MYO18B: variants seen among roughly 807,000 people sequenced by gnomAD.
MYO18B encodes myosin XVIIIB.
A neutral mutation model predicts 273.0 loss-of-function variants in MYO18B; 204 were observed. The ratio of observed to expected loss-of-function variants is 0.75; its 90% confidence interval spans 0.67 to 0.84. The LOEUF (loss-of-function observed/expected upper bound fraction) is 0.84, where lower values mean the gene tolerates loss of function less well. Among genes scored for constraint, MYO18B ranks in the 40% least tolerant of loss-of-function variants. The pLI is 0.00. For missense variants in MYO18B, 3,212 were observed against 3,287.6 expected (o/e 0.98, Z 0.56); for synonymous variants, 1,330 against 1,305.7 (o/e 1.02, Z -0.40).
chr22:26,051,057 C>T, the MYO18B span, among the ~76,000 whole-genome samples: 3 of 152,046 alleles, frequency 2.0e-5, no homozygotes, highest in African/African-American at 7.2e-5. Context: ...AGGAACAAAG[C>T]GCGTGTTACA....
chr22:25,952,545 C>T (rs1410072359), intron 38 of MYO18B, 122 bp downstream of exon 38: 9 of 1,300,662 alleles, frequency 6.9e-6, no homozygotes, highest in Non-Finnish European at 8.4e-6. Flanking sequence ...ATACATTACT[C>T]ATCCACTTCT....
chr22:25,975,762 G>A (rs1271434767), intron 39 of MYO18B, among the ~76,000 whole-genome samples: 1 of 152,158 alleles, frequency 6.6e-6, no homozygotes, highest in Non-Finnish European at 1.5e-5. Context: ...TCGGGGGCAG[G>A]GCCTGAGATT....
At chr22:25,983,675 T>G (rs1339694693) in intron 39 of MYO18B, 2 of 152,272 alleles carry the variant, frequency 1.3e-5, no homozygotes, top group Non-Finnish European at 2.9e-5. Context: ...AAGGCAGTGA[T>G]GGACACCTGA....
intron 12 of MYO18B, among the ~76,000 whole-genome samples, chr22:25,800,758 T>G (rs1258136049): frequency 6.6e-6 from 1 of 152,090 alleles, no homozygotes; most frequent in Non-Finnish European, 1.5e-5. Flanking sequence ...TCAATTTTAT[T>G]CCTGAGTTTC....
intron 12 of MYO18B, among the ~76,000 whole-genome samples, chr22:25,798,676 C>T (rs542712837): frequency 6.6e-6 from 1 of 152,282 alleles, no homozygotes; most frequent in Admixed American, 6.5e-5. Context: ...CCTCCCGCCT[C>T]AGCCTCCTGA....
intron 20 of MYO18B, among the ~76,000 whole-genome samples, chr22:25,848,347 G>A (rs1050424186): frequency 5.3e-5 from 8 of 152,180 alleles, no homozygotes; most frequent in African/African-American, 1.4e-4. Flanking sequence ...AGCTCACAGT[G>A]ATGTAATACC....
At chr22:25,826,537 T>A (rs371866664) in intron 14 of MYO18B, 38 bp downstream of exon 14, 46 of 1,568,800 alleles carry the variant, frequency 2.9e-5, no homozygotes, top group Non-Finnish European at 3.8e-5. Context: ...GTTGGCCTCT[T>A]GCAGGTGCAC....
At chr22:26,048,529 A>G in the MYO18B span, among the ~76,000 whole-genome samples, 2 of 152,240 alleles carry the variant, frequency 1.3e-5, no homozygotes, top group East Asian at 3.9e-4. Flanking sequence ...CATCAGCAGA[A>G]ATGAAAGTGG....
At chr22:25,830,663 G>A (rs12165565) in intron 15 of MYO18B, among the ~76,000 whole-genome samples, 3,617 of 152,264 alleles carry the variant, frequency 0.024, 92 homozygotes, top group East Asian at 0.11. Flanking sequence ...AAACAGAAGC[G>A]TGCAGGGGAC....
At chr22:26,024,512 A>G (rs1053031304) in intron 42 of MYO18B, among the ~76,000 whole-genome samples, 6 of 152,194 alleles carry the variant, frequency 3.9e-5, no homozygotes, top group African/African-American at 1.4e-4. Context: ...TGATGGTCAG[A>G]GAGAGAAAGG....
downstream of MYO18B, among the ~76,000 whole-genome samples, chr22:26,033,680 A>G (rs537134397): frequency 2.3e-3 from 353 of 152,282 alleles, 2 homozygotes; most frequent in Non-Finnish European, 3.9e-3. Context: ...AGCCTGGAGC[A>G]GAAGGTACTT....
Position 25,990,707 on chromosome 22 carries a change from AAAAAAAAAAAAAAGAAAAAG to A in MYO18B, c.6157-1644_6157-1625del, listed in dbSNP as rs1178671361. ...GTCTCAAAAAAAAAAAAAAAAAAAAAAAAAAAAAAAAAAGAAAAAGAAAAAAAAAAAGACTCCAGGCTAAG... is the reference window on the plus strand; with the variant it reads ...GTCTCAAAAAAAAAAAAAAAAAAAAAAAAAAAAAAAAGACTCCAGGCTAAG... On this transcript the variant is annotated intron_variant, in intron 39 of 43. Transcript: ENST00000335473. Among the ~76,000 whole-genome samples, 353 of 37,254 alleles carry A rather than the reference AAAAAAAAAAAAAAGAAAAAG, an allele frequency of 9.5e-3. 66 individuals are homozygous for A. The highest frequency in any genetic ancestry group is 0.061 in the African/African-American group (322 of 5,252). The allele number at this position is 37,254 out of a possible 152,430, so 24.4% of individuals were successfully genotyped here.
chr22:25,764,707 G>A (rs1357456286), intron 3 of MYO18B, among the ~76,000 whole-genome samples: 1 of 152,218 alleles, frequency 6.6e-6, no homozygotes, highest in Non-Finnish European at 1.5e-5. Context: ...CCTGACCTAA[G>A]GCATAAGTGG....
intron 33 of MYO18B, among the ~76,000 whole-genome samples, chr22:25,916,570 A>C (rs1383912125): frequency 1.3e-5 from 2 of 152,260 alleles, no homozygotes; most frequent in East Asian, 3.9e-4. Context: ...GTTATCTAGA[A>C]CTTGAGTTTC....
In MYO18B at chr22:25,851,575, G is replaced by A. The variant is rs1041975478; in HGVS notation, c.3881G>A (p.Arg1294Lys). The change falls in exon 21 of 44, where the codon AGG (arginine) becomes AAG (lysine). Residue 1294 changes from arginine (R) to lysine (K), a missense_variant. By Grantham distance (26) the Arg-to-Lys change is conservative (BLOSUM62 2). Transcript: ENST00000335473. ...TCGACCTCCGAGGGAATAGATGAAA[G>A]GAAGGTAGGTGGAGCACATGCGAGA... The part of the protein sequence containing the change: ...LMSTSEGIDE[R>K]KAVEELLETL... The A allele has an allele frequency of 1.9e-6, 3 of 1,553,034 alleles. No individual in the cohort carries two copies. Among genetic ancestry groups the A allele is most frequent in the East Asian group, 2.4e-5 (1 of 41,252 alleles).
At chr22:25,958,788 A>T (rs1176978487) in intron 39 of MYO18B, among the ~76,000 whole-genome samples, 1 of 152,076 alleles carries the variant, frequency 6.6e-6, no homozygotes, top group African/African-American at 2.4e-5. Flanking sequence ...AGATCATCCC[A>T]TCTGTTCATG....
At chr22:25,997,305 C>CAAAAAAAAAA (rs1933372342) in intron 40 of MYO18B, among the ~76,000 whole-genome samples, 2 of 14,088 alleles carry the variant, frequency 1.4e-4, no homozygotes, top group African/African-American at 4.2e-4. Context: ...ACTCTGTCGC[C>CAAAAAAAAAA]AAAAAAAAAA....
At chr22:25,804,672 T>C (rs189502201) in intron 12 of MYO18B, among the ~76,000 whole-genome samples, 1 of 152,358 alleles carries the variant, frequency 6.6e-6, no homozygotes, top group African/African-American at 2.4e-5. Flanking sequence ...ACAAGCCAGG[T>C]GGGCTCAGGT....
Position 26,026,685 on chromosome 22 carries a change from GC to G in MYO18B, c.6712del (p.Leu2238CysfsTer35). 6.2e-7 allele frequency: 1 copy of G among 1,613,792 alleles called. No individual in the cohort carries two copies. On this transcript the variant is annotated frameshift_variant, in exon 43 of 44. Coordinates refer to ENST00000335473, the MANE Select transcript of MYO18B (RefSeq NM_032608.7). LOFTEE classifies it high-confidence loss of function. ...LASRSTNTSP[L>X]SREKLPSPSA... ...CTTCTCGGAGTACAAATACATCCCC[GC>G]TGTCGAGGGAAAAGCTGCCCAGTCC...
Sources: gnomAD v4.1 joint callset for allele counts (sites outside exome capture counted in the v4.1 genomes callset) on GRCh38, gnomAD v4.1.1 for gene constraint, MANE v1.5 for transcripts, NCBI Gene and HGNC (gene_info 2026-07-23, HGNC 2026-07-21) for gene names.